SLTM: variants seen among roughly 807,000 people sequenced by gnomAD.
SLTM encodes the protein SAFB like transcription modulator.
In SLTM, 43 loss-of-function variants were observed where a neutral mutation model predicts 134.6. The observed-to-expected ratio is 0.32, with a 90% CI of 0.25 to 0.41. The LOEUF (loss-of-function observed/expected upper bound fraction) is 0.41, where lower values mean the gene tolerates loss of function less well. SLTM is among the 10% of genes least tolerant of loss of function. SLTM has a pLI of 1.00. For missense variants in SLTM, 1,055 were observed against 1,288.8 expected (o/e 0.82, Z 2.78); for synonymous variants, 424 against 432.3 (o/e 0.98, Z 0.24).
At chr15:58,919,793 A>G (rs1339089847) in intron 2 of SLTM, among the ~76,000 whole-genome samples, 1 of 152,140 alleles carries the variant, frequency 6.6e-6, no homozygotes, top group Non-Finnish European at 1.5e-5. Flanking sequence ...CTTAAAAAAA[A>G]TTTCAGTTGA....
At position 58,894,571 on chromosome 15, in the gene SLTM, T is replaced by A. The variant is rs774654258; in HGVS notation, c.1239A>T (p.Ala413=). The change falls in exon 10 of 21, where the codon GCA becomes GCT. Residue 413 remains alanine (A), a synonymous_variant. Transcript: ENST00000380516. The part of the protein sequence containing the change: ...LFGKYGKVLS[A]KVVTNARSPG... ...GACTTCGAGCATTTGTAACTACTTT[T>A]GCACTCAGAACCTATAAAATCAGAC... 1.2e-6 allele frequency: 2 copies of A among 1,614,146 alleles called. No homozygotes were observed. The highest frequency in any genetic ancestry group is 1.7e-6 in the Non-Finnish European group (2 of 1,179,994).
intron 5 of SLTM, among the ~76,000 whole-genome samples, chr15:58,901,545 C>T (rs1224191761): frequency 6.6e-6 from 1 of 152,164 alleles, no homozygotes; most frequent in East Asian, 1.9e-4. Flanking sequence ...ATTAGTTTCA[C>T]TATTCAAAAC....
intron 2 of SLTM, among the ~76,000 whole-genome samples, chr15:58,927,723 A>G (rs2037580195): frequency 6.6e-6 from 1 of 152,236 alleles, no homozygotes; most frequent in African/African-American, 2.4e-5. Context: ...TGGCCTTCAG[A>G]GCTTTCAGCC....
intron 15 of SLTM, 81 bp downstream of exon 15, chr15:58,890,200 A>G: frequency 6.6e-7 from 1 of 1,506,218 alleles, no homozygotes; most frequent in Non-Finnish European, 9.1e-7. Context: ...GCTTTACAAC[A>G]AGTAAAGCAA....
chr15:58,881,539 C>T (rs79792661), intron 20 of SLTM, among the ~76,000 whole-genome samples: 4,414 of 146,854 alleles, frequency 0.03, 141 homozygotes, highest in African/African-American at 0.075. Context: ...AAAAAAAAAT[C>T]TACAGTGAAA....
intron 2 of SLTM, among the ~76,000 whole-genome samples, chr15:58,917,664 G>T (rs2036740115): frequency 6.6e-6 from 1 of 152,208 alleles, no homozygotes; most frequent in African/African-American, 2.4e-5. Flanking sequence ...AGTGAAAACT[G>T]TTAATAGCTT....
chr15:58,901,570 C>T (rs531205955), intron 5 of SLTM, among the ~76,000 whole-genome samples: 1 of 152,178 alleles, frequency 6.6e-6, no homozygotes, highest in South Asian at 2.1e-4. Flanking sequence ...TTATATAATC[C>T]AATTCTTCCT....
chr15:58,933,276 G>A, intron 1 of SLTM, 128 bp downstream of exon 1: 1 of 1,013,224 alleles, frequency 9.9e-7, no homozygotes, highest in Admixed American at 4.1e-5. Flanking sequence ...GCCGCCCCTG[G>A]CCTCCCTACC....
At chr15:58,894,016 A>C in intron 11 of SLTM, 29 bp from the exon 12 acceptor site, 1 of 1,601,326 alleles carries the variant, frequency 6.2e-7, no homozygotes, top group Non-Finnish European at 8.5e-7. Context: ...ACAAAAAAAC[A>C]GAATGAGTAC....
At chr15:58,931,413 C>T (rs2037870424) in intron 2 of SLTM, among the ~76,000 whole-genome samples, 2 of 152,146 alleles carry the variant, frequency 1.3e-5, no homozygotes, top group South Asian at 4.1e-4. Flanking sequence ...AATATTAATC[C>T]ATTCATTTTA....
In SLTM at chr15:58,887,316, GGAT is replaced by G; in HGVS notation, c.2597_2599del (p.His866del). On this transcript the variant is annotated inframe_deletion, in exon 18 of 21. Transcript: ENST00000380516. The stretch of plus-strand genomic sequence containing the variant: ...GGGCCCTGCCTCTCGAGGATGTCTA[GGAT>G]GAGTGATATCAGGCCTGTCATGAAT... 1 of 1,614,104 alleles carries G rather than the reference GGAT, an allele frequency of 6.2e-7. No homozygotes were observed. The highest frequency in any genetic ancestry group is 8.5e-7 in the Non-Finnish European group (1 of 1,180,028).
rs749078903 is a variant in SLTM at position 58,916,976 on chromosome 15, A to G, written c.274T>C (p.Leu92=). The G allele has an allele frequency of 6.2e-7, 1 of 1,613,706 alleles. No individual in the cohort carries two copies. Among genetic ancestry groups the G allele is most frequent in the Non-Finnish European group, 8.5e-7 (1 of 1,179,830 alleles). Reference sequence around the variant, plus strand: ...TCTTCCACAGAAGCATCTCCACTCAACTCATCTGCTTCATGTTTTTTACCT... The same window carrying G: ...TCTTCCACAGAAGCATCTCCACTCAGCTCATCTGCTTCATGTTTTTTACCT... ...GKGKKHEADE[L]SGDASVEDDA... Residue 92 remains leucine (L), a synonymous_variant, in exon 3 of 21, where the codon TTG becomes CTG. Transcript: ENST00000380516.
At chr15:58,926,354 G>C (rs2037467121) in intron 2 of SLTM, among the ~76,000 whole-genome samples, 1 of 151,954 alleles carries the variant, frequency 6.6e-6, no homozygotes, top group African/African-American at 2.4e-5. Flanking sequence ...TTGAAAAGGG[G>C]GGAAAAAACC....
intron 3 of SLTM, among the ~76,000 whole-genome samples, chr15:58,916,106 C>T (rs927605019): frequency 6.6e-5 from 10 of 151,920 alleles, no homozygotes; most frequent in African/African-American, 1.9e-4. Context: ...CACTCATTTT[C>T]GGCCCCAAAA....
At chr15:58,927,813 CTTAA>C (rs1213642021) in intron 2 of SLTM, among the ~76,000 whole-genome samples, 17 of 152,120 alleles carry the variant, frequency 1.1e-4, no homozygotes, top group Admixed American at 1.3e-4. Context: ...TAAAGTGTTA[CTTAA>C]CATCTGAACA....
rs546997715 is a variant in SLTM, at chr15:58,918,543, A to T, written c.251-1544T>A. Among the ~76,000 whole-genome samples the T allele has an allele frequency of 1.7e-4, 26 of 152,222 alleles. No individual in the cohort carries two copies. The South Asian group carries it at 5.4e-3, about 32-fold the overall frequency. ...GTAAAAAACAAGATTAGGAGTGGGG[A>T]TTTTTCTTTTACTCAATTAGTAGCT... On this transcript the variant is annotated intron_variant, in intron 2 of 20. Transcript: ENST00000380516.
At chr15:58,908,006 T>TGTGTGTGG (rs1191857725) in intron 5 of SLTM, among the ~76,000 whole-genome samples, 1 of 126,080 alleles carries the variant, frequency 7.9e-6, no homozygotes. Flanking sequence ...ATGCTGCGTG[T>TGTGTGTGG]GTGTGTGTGT....
At chr15:58,933,288 T>C in intron 1 of SLTM, 116 bp downstream of exon 1, 1 of 1,194,494 alleles carries the variant, frequency 8.4e-7, no homozygotes, top group East Asian at 3.2e-5. Context: ...CTCCCTACCA[T>C]GCCGTTCCGC....
In SLTM at chr15:58,883,727, C is replaced by A; in HGVS notation, c.2895G>T (p.Arg965Ser). The change falls in exon 20 of 21, where the codon AGG (arginine) becomes AGT (serine). Residue 965 changes from arginine to serine, a missense_variant. This residue lies in a region of SLTM where 776 missense variants were observed against 962.2 expected (regional missense o/e 0.81). Transcript: ENST00000380516. ...GAGAGGGTGGACCATGCCACTCTTT[C>A]CTTGGTCCGCTTGTGTCCCGTCCAT... ...ERHGRDTSGP[R>S]KEWHGPPSQG... 1 of 1,614,140 alleles carries A rather than the reference C, an allele frequency of 6.2e-7. No individual in the cohort carries two copies.
Sources: allele counts gnomAD v4.1 joint callset (sites outside exome capture counted in the v4.1 genomes callset), GRCh38; gene constraint gnomAD v4.1.1; regional missense constraint gnomAD v4.1.1; transcripts MANE v1.5; gene names NCBI Gene and HGNC (gene_info 2026-07-23, HGNC 2026-07-21).